Variants in KIFAP3 observed in about 807,000 individuals in gnomAD.
The protein encoded by KIFAP3 is kinesin-associated protein 3.
In KIFAP3, 68 loss-of-function variants were observed where a neutral mutation model predicts 106.5. That is an observed-to-expected ratio of 0.64 (90% CI 0.53 to 0.78). KIFAP3 has a LOEUF of 0.78. KIFAP3 is among the 30% of genes least tolerant of loss of function. KIFAP3 has a pLI of 0.00. For synonymous variants in KIFAP3, 320 were observed against 311.5 expected (o/e 1.03, Z -0.29); for missense variants, 780 against 941.8 (o/e 0.83, Z 2.25).
At chr1:169,968,847 C>CAT (rs1665765895) in intron 17 of KIFAP3, among the ~76,000 whole-genome samples, 1 of 149,358 alleles carries the variant, frequency 6.7e-6, no homozygotes, top group African/African-American at 2.5e-5. Flanking sequence ...AAAAAAGTAA[C>CAT]ATGCATAACA....
chr1:169,970,597 T>C (rs1361577183), intron 17 of KIFAP3, among the ~76,000 whole-genome samples: 3 of 152,092 alleles, frequency 2.0e-5, no homozygotes, highest in Non-Finnish European at 2.9e-5. Context: ...ATTCTGTCTA[T>C]ATATTTTTTG....
chr1:169,956,761 A>G (rs988660251), intron 18 of KIFAP3, among the ~76,000 whole-genome samples: 7 of 151,952 alleles, frequency 4.6e-5, no homozygotes, highest in African/African-American at 1.5e-4. Flanking sequence ...GTACCACCAC[A>G]TCTGGCTAAT....
chr1:170,080,218 C>G (rs12122606), intron 1 of KIFAP3, among the ~76,000 whole-genome samples: 9,621 of 152,002 alleles, frequency 0.063, 386 homozygotes, highest in Non-Finnish European at 0.095. Context: ...AAAATTTGTT[C>G]AAGACCTATG....
rs527532293 is a variant in KIFAP3 at position 169,965,805 on chromosome 1, TCAAATCTATTTGACAAAAGTC to T, written c.1984-4591_1984-4571del. On this transcript the variant is annotated intron_variant, in intron 17 of 19. Coordinates refer to ENST00000361580, the MANE Select transcript of KIFAP3 (RefSeq NM_014970.4). ...CAAGGCTCAGTTTAAAAAGAGATTA[TCAAATCTATTTGACAAAAGTC>T]CAAACACACAAACCAAAAATATCCA... 2.6e-3 allele frequency among the ~76,000 whole-genome samples: 396 copies of T among 152,128 alleles called. 1 individual carries two copies. Among genetic ancestry groups the T allele is most frequent in the African/African-American group, 9.2e-3 (384 of 41,554 alleles).
rs766119095 is a variant in KIFAP3, at chr1:170,024,581, A to G, written c.857T>C (p.Leu286Pro). 6.4e-7 allele frequency: 1 copy of G among 1,556,990 alleles called. No homozygotes were observed. Among genetic ancestry groups the G allele is most frequent in the African/African-American group, 1.4e-5 (1 of 72,082 alleles). Residue 286 changes from leucine (L) to proline (P), a missense_variant, in exon 9 of 20, where the codon CTT becomes CCT. Transcript: ENST00000361580. ...ACGAGTATCCTCAGCAAGATTCAGA[A>G]GCAAATAAAGAGCAACTAGAAAAGT... ...EQLLRVALYL[L>P]LNLAEDTRTE...
intron 2 of KIFAP3, among the ~76,000 whole-genome samples, chr1:170,053,940 C>T (rs1443234213): frequency 1.3e-5 from 2 of 152,134 alleles, no homozygotes; most frequent in Non-Finnish European, 2.9e-5. Flanking sequence ...TGGACAAGGA[C>T]TTCATGACTA....
At chr1:170,018,868 T>C (rs947232774) in intron 9 of KIFAP3, among the ~76,000 whole-genome samples, 2 of 152,174 alleles carry the variant, frequency 1.3e-5, no homozygotes, top group Admixed American at 6.5e-5. Flanking sequence ...ACAGCCACAC[T>C]GTAGTCATAC....
intron 10 of KIFAP3, among the ~76,000 whole-genome samples, chr1:170,004,536 T>C (rs897052904): frequency 1.4e-4 from 21 of 151,908 alleles, no homozygotes; most frequent in African/African-American, 3.9e-4. Flanking sequence ...AGAACAGAGC[T>C]CTCAGAAATA....
In KIFAP3 at chr1:169,978,146, A is replaced by T; in HGVS notation, c.1836T>A (p.Ile612=). The T allele has an allele frequency of 6.2e-7, 1 of 1,612,622 alleles. No homozygotes were observed. The highest frequency in any genetic ancestry group is 8.5e-7 in the Non-Finnish European group (1 of 1,179,018). ...GGAAAACCATCTGGTAGAAGACATA[A>T]ATTATCTGACACACAAATTCATCAT... ...QEDDEFVCQI[I]YVFYQMVFHQ... Residue 612 remains isoleucine (I), a synonymous_variant, in exon 16 of 20, where the codon ATT becomes ATA. Transcript: ENST00000361580.
At chr1:170,070,018 T>A (rs532533735) in intron 1 of KIFAP3, among the ~76,000 whole-genome samples, 2 of 152,076 alleles carry the variant, frequency 1.3e-5, no homozygotes, top group Non-Finnish European at 2.9e-5. Context: ...TTTTTCTACA[T>A]ATTGGAGCTG....
intron 8 of KIFAP3, among the ~76,000 whole-genome samples, chr1:170,026,670 G>A (rs1669120972): frequency 2.6e-5 from 4 of 152,178 alleles, no homozygotes; most frequent in Admixed American, 2.6e-4. Flanking sequence ...ACTGAGTTGA[G>A]TATTGATTGG....
rs6686705 is a variant in KIFAP3, at chr1:170,011,591, T to A, written c.1183+4871A>T. On this transcript the variant is annotated intron_variant, in intron 10 of 19. Transcript: ENST00000361580. Reference sequence around the variant, plus strand: ...TTACATACACATGTGAGGGTTGGGCTACACTGTAAAATACATATTTAAAAT... The same window carrying A: ...TTACATACACATGTGAGGGTTGGGCAACACTGTAAAATACATATTTAAAAT... Among the ~76,000 whole-genome samples, 822 of 152,072 alleles carry A rather than the reference T, an allele frequency of 5.4e-3. 4 individuals carry two copies. The highest frequency in any genetic ancestry group is 8.4e-3 in the Non-Finnish European group (573 of 67,880).
chr1:170,073,676 C>A (rs1407913870), intron 1 of KIFAP3, among the ~76,000 whole-genome samples: 1 of 151,928 alleles, frequency 6.6e-6, no homozygotes, highest in Non-Finnish European at 1.5e-5. Flanking sequence ...TCTATTGGAT[C>A]ACTGCTTACT....
chr1:170,077,345 A>G (rs1204993725), upstream of KIFAP3, among the ~76,000 whole-genome samples: 1 of 152,250 alleles, frequency 6.6e-6, no homozygotes, highest in Non-Finnish European at 1.5e-5. Context: ...TCATTGGAGA[A>G]GTATTGAGCT....
intron 19 of KIFAP3, among the ~76,000 whole-genome samples, chr1:169,935,797 A>G (rs1189380762): frequency 6.6e-6 from 1 of 152,020 alleles, no homozygotes; most frequent in Non-Finnish European, 1.5e-5. Context: ...AAATGATTAG[A>G]AAATTACTAA....
chr1:169,964,207 T>C (rs1004564585), intron 17 of KIFAP3, among the ~76,000 whole-genome samples: 1 of 52,582 alleles, frequency 1.9e-5, no homozygotes, highest in Non-Finnish European at 3.4e-5. Context: ...AGATAACTTA[T>C]ATTGAGAACA....
At chr1:170,071,518 C>T (rs752606906) in intron 1 of KIFAP3, among the ~76,000 whole-genome samples, 1 of 152,168 alleles carries the variant, frequency 6.6e-6, no homozygotes, top group Non-Finnish European at 1.5e-5. Flanking sequence ...ACTCTGGCTT[C>T]CAGTGAGGGC....
At chr1:170,040,895 G>A (rs894524755) in intron 3 of KIFAP3, among the ~76,000 whole-genome samples, 2 of 149,818 alleles carry the variant, frequency 1.3e-5, no homozygotes, top group Non-Finnish European at 3.0e-5. Context: ...GCATGGTCTT[G>A]GCTCACTGAA....
intron 5 of KIFAP3, 74 bp from the exon 6 acceptor site, chr1:170,035,627 C>T (rs1025965061): frequency 3.5e-6 from 3 of 868,718 alleles, no homozygotes; most frequent in Non-Finnish European, 3.5e-6. Flanking sequence ...TTTTAAATGT[C>T]TAGTTATTAA....
Sources: gnomAD v4.1 joint callset for allele counts (sites outside exome capture counted in the v4.1 genomes callset) on GRCh38, gnomAD v4.1.1 for gene constraint, MANE v1.5 for transcripts, NCBI Gene and HGNC (gene_info 2026-07-23, HGNC 2026-07-21) for gene names.